The following RGS8 variants were observed in gnomAD, a reference collection of about 807,000 sequenced individuals.
The protein encoded by RGS8 is regulator of G protein signaling 8.
Under a neutral mutation model 21.7 loss-of-function variants are expected in RGS8, and 8 were observed. The ratio of observed to expected loss-of-function variants is 0.37; its 90% CI spans 0.22 to 0.66. The LOEUF (loss-of-function observed/expected upper bound fraction) is 0.66, where lower values mean the gene tolerates loss of function less well. Among genes scored for constraint, RGS8 ranks in the 30% least tolerant of loss-of-function variants. The pLI is 0.59. For missense variants in RGS8, 157 were observed against 217.9 expected (o/e 0.72, Z 1.76); for synonymous variants, 80 against 83.6 (o/e 0.96, Z 0.24).
At chr1:182,703,832 G>T in the RGS8 span, among the ~76,000 whole-genome samples, 2 of 152,230 alleles carry the variant, frequency 1.3e-5, no homozygotes, top group African/African-American at 4.8e-5. Flanking sequence ...TAGGCTGAGT[G>T]TTGAGAAAAA....
At chr1:182,722,198 G>A in the RGS8 span, among the ~76,000 whole-genome samples, 2 of 148,476 alleles carry the variant, frequency 1.3e-5, no homozygotes, top group Non-Finnish European at 3.0e-5. Flanking sequence ...AAAATAATAA[G>A]TGTCCTGAAG....
the RGS8 span, among the ~76,000 whole-genome samples, chr1:182,702,865 A>G: frequency 6.6e-6 from 1 of 152,246 alleles, no homozygotes; most frequent in Non-Finnish European, 1.5e-5. Context: ...TTCACCTACC[A>G]TATGTACATT....
At chr1:182,740,838 A>G in the RGS8 span, among the ~76,000 whole-genome samples, 78 of 152,184 alleles carry the variant, frequency 5.1e-4, no homozygotes, top group Non-Finnish European at 9.3e-4. Flanking sequence ...CTGAGTGGAT[A>G]CAGCACATGT....
chr1:182,674,851 A>C (rs895343688), upstream of RGS8, among the ~76,000 whole-genome samples: 22 of 152,112 alleles, frequency 1.4e-4, no homozygotes, highest in African/African-American at 5.1e-4. Flanking sequence ...GCCACAACTC[A>C]CGTTTCTTAC....
the RGS8 span, among the ~76,000 whole-genome samples, chr1:182,697,697 A>G: frequency 5.9e-5 from 9 of 152,062 alleles, no homozygotes; most frequent in South Asian, 1.5e-3. Flanking sequence ...TTTTTTTCAC[A>G]TTTTCACATT....
At chr1:182,663,319 C>T (rs910219003) in intron 5 of RGS8, among the ~76,000 whole-genome samples, 2 of 152,166 alleles carry the variant, frequency 1.3e-5, no homozygotes, top group Non-Finnish European at 2.9e-5. Context: ...CAGGGGAGTA[C>T]GTGTTCAAAT....
chr1:182,653,491 C>T (rs1180875386), intron 5 of RGS8, among the ~76,000 whole-genome samples: 3 of 151,132 alleles, frequency 2.0e-5, no homozygotes, highest in African/African-American at 4.9e-5. Flanking sequence ...GTCAGGAGTT[C>T]GAGACCAGCC....
chr1:182,723,994 T>C, the RGS8 span, among the ~76,000 whole-genome samples: 1 of 151,832 alleles, frequency 6.6e-6, no homozygotes, highest in Admixed American at 6.6e-5. Flanking sequence ...TAGTTAATAC[T>C]GAGTGTCAAC....
the RGS8 span, among the ~76,000 whole-genome samples, chr1:182,749,443 A>G: frequency 2.5e-3 from 379 of 152,228 alleles, 1 homozygote; most frequent in African/African-American, 8.7e-3. Flanking sequence ...CCTTTGGTCT[A>G]TGTGTCTGTT....
At chr1:182,682,450 G>T (rs755970955) in intron 1 of RGS8, among the ~76,000 whole-genome samples, 3 of 152,250 alleles carry the variant, frequency 2.0e-5, no homozygotes, top group South Asian at 4.1e-4. Flanking sequence ...GAACTTCCTC[G>T]AGTTTTTTTT....
the RGS8 span, among the ~76,000 whole-genome samples, chr1:182,691,421 G>C: frequency 6.6e-6 from 1 of 151,992 alleles, no homozygotes; most frequent in Non-Finnish European, 1.5e-5. Context: ...TCTGAATCCA[G>C]CAGCATGTCA....
chr1:182,719,305 T>C, the RGS8 span, among the ~76,000 whole-genome samples: 1 of 151,802 alleles, frequency 6.6e-6, no homozygotes. Flanking sequence ...TTAGACTCTT[T>C]CCAAAAATGT....
chr1:182,746,703 A>G, the RGS8 span, among the ~76,000 whole-genome samples: 25,191 of 151,622 alleles, frequency 0.17, 2,201 homozygotes, highest in African/African-American at 0.23. Context: ...AAGGAAGGAA[A>G]GAAAGAGAGA....
the RGS8 span, among the ~76,000 whole-genome samples, chr1:182,691,162 G>A: frequency 6.6e-6 from 1 of 152,124 alleles, no homozygotes; most frequent in African/African-American, 2.4e-5. Flanking sequence ...TAGAAGAATT[G>A]CCCAACTGAC....
At chr1:182,724,669 T>A in the RGS8 span, among the ~76,000 whole-genome samples, 72 of 152,286 alleles carry the variant, frequency 4.7e-4, no homozygotes, top group South Asian at 3.9e-3. Context: ...GAGATTCTCC[T>A]GCCTCAGCCT....
intron 5 of RGS8, among the ~76,000 whole-genome samples, chr1:182,651,294 T>C (rs1663001714): frequency 1.3e-5 from 2 of 151,852 alleles, no homozygotes; most frequent in African/African-American, 4.8e-5. Context: ...ATACCAAGAG[T>C]CAAAAATGCA....
At chr1:182,718,617 A>G in the RGS8 span, among the ~76,000 whole-genome samples, 1 of 152,208 alleles carries the variant, frequency 6.6e-6, no homozygotes, top group East Asian at 1.9e-4. Context: ...GACTCCACAT[A>G]ACAGCTGAGA....
At chr1:182,708,595 C>T in the RGS8 span, among the ~76,000 whole-genome samples, 1 of 152,248 alleles carries the variant, frequency 6.6e-6, no homozygotes. Context: ...ATAATTTTAG[C>T]TCTGTGTGCC....
At chr1:182,748,427 A>G in the RGS8 span, among the ~76,000 whole-genome samples, 1 of 152,218 alleles carries the variant, frequency 6.6e-6, no homozygotes, top group East Asian at 1.9e-4. Flanking sequence ...ATTGTTGCAA[A>G]TGGCAGGATT....
Sources: gnomAD v4.1 joint callset for allele counts (sites outside exome capture counted in the v4.1 genomes callset) on GRCh38, gnomAD v4.1.1 for gene constraint, MANE v1.5 for transcripts, NCBI Gene and HGNC (gene_info 2026-07-23, HGNC 2026-07-21) for gene names.